Variants in BTBD7 observed in about 807,000 individuals in gnomAD.
The protein encoded by BTBD7 is BTB domain containing 7.
Under a neutral mutation model 99.9 loss-of-function variants are expected in BTBD7, and 38 were observed. The observed-to-expected ratio is 0.38, with a 90% CI of 0.29 to 0.50. BTBD7 has a LOEUF of 0.50. BTBD7 is among the 20% of genes least tolerant of loss of function. The probability of loss-of-function intolerance (pLI) is 0.93; values close to 1 mark genes in which losing one functional copy is unlikely to be tolerated. For missense variants in BTBD7, 1,170 were observed against 1,394.6 expected (o/e 0.84, Z 2.57); for synonymous variants, 520 against 511.4 (o/e 1.02, Z -0.23).
At position 93,325,965 on chromosome 14, in the gene BTBD7, ATTAT is replaced by A. The variant is rs538494990; in HGVS notation, c.-107+6851_-107+6854del. Among the ~76,000 whole-genome samples the A allele has an allele frequency of 3.2e-3, 487 of 152,300 alleles. 2 individuals are homozygous for A. The highest frequency in any genetic ancestry group is 0.014 in the Middle Eastern group (4 of 292). ...TATATTATGTTTCTAAAGTTACTAT[ATTAT>A]TTGAAATAGTAAGGGTATCTGAAAG... On this transcript the variant is annotated intron_variant, in intron 1 of 10. Transcript: ENST00000334746.
chr14:93,285,027 T>G (rs1364007555), intron 3 of BTBD7, among the ~76,000 whole-genome samples: 1 of 152,176 alleles, frequency 6.6e-6, no homozygotes, highest in Non-Finnish European at 1.5e-5. Context: ...GAAACCTGCA[T>G]TTACTACTCT....
chr14:93,318,344 GA>G (rs1460122643), intron 1 of BTBD7, among the ~76,000 whole-genome samples: 3 of 152,206 alleles, frequency 2.0e-5, no homozygotes, highest in Admixed American at 6.5e-5. Flanking sequence ...GAAGAGGCAT[GA>G]GGGGGGCTTT....
At chr14:93,327,930 T>C (rs762245820) in intron 1 of BTBD7, among the ~76,000 whole-genome samples, 9 of 152,206 alleles carry the variant, frequency 5.9e-5, no homozygotes, top group Admixed American at 1.3e-4. Flanking sequence ...AGTAAAGTTG[T>C]AGGATACAAA....
chr14:93,332,641 T>C (rs1328825767), intron 1 of BTBD7, among the ~76,000 whole-genome samples, 179 bp downstream of exon 1: 1 of 137,686 alleles, frequency 7.3e-6, no homozygotes, highest in African/African-American at 2.8e-5. Context: ...CCGCCGCGCC[T>C]CAGCCCCAGA....
At chr14:93,275,442 T>G (rs2052644231) in intron 3 of BTBD7, among the ~76,000 whole-genome samples, 1 of 152,252 alleles carries the variant, frequency 6.6e-6, no homozygotes, top group Non-Finnish European at 1.5e-5. Flanking sequence ...TTCTGTGTTT[T>G]GTTTCTTATA....
intron 3 of BTBD7, among the ~76,000 whole-genome samples, chr14:93,267,193 T>C (rs1267607616): frequency 6.6e-6 from 1 of 152,100 alleles, no homozygotes; most frequent in Admixed American, 6.6e-5. Context: ...AGAAAAAGAA[T>C]GAAAGATAAC....
intron 1 of BTBD7, among the ~76,000 whole-genome samples, chr14:93,300,704 T>TGTGTG (rs2052985751): frequency 5.7e-5 from 5 of 87,054 alleles, no homozygotes; most frequent in Admixed American, 3.0e-4. Context: ...CCCAGCTAAT[T>TGTGTG]TGTGTGTGTG....
At chr14:93,269,120 G>A (rs2052574270) in intron 3 of BTBD7, among the ~76,000 whole-genome samples, 1 of 152,102 alleles carries the variant, frequency 6.6e-6, no homozygotes, top group East Asian at 1.9e-4. Context: ...CTTCTCTCAC[G>A]AGCAGAAAGC....
At chr14:93,279,984 A>C (rs1164097145) in intron 3 of BTBD7, among the ~76,000 whole-genome samples, 1 of 152,224 alleles carries the variant, frequency 6.6e-6, no homozygotes, top group Non-Finnish European at 1.5e-5. Flanking sequence ...TATAGACCTA[A>C]TGTGATGATC....
At chr14:93,258,818 C>A (rs1363427173) in intron 5 of BTBD7, among the ~76,000 whole-genome samples, 1 of 152,222 alleles carries the variant, frequency 6.6e-6, no homozygotes, top group African/African-American at 2.4e-5. Context: ...CTCCTGACCT[C>A]AGGTGATCCA....
chr14:93,305,137 A>G (rs2139791920), intron 1 of BTBD7, among the ~76,000 whole-genome samples: 1 of 152,328 alleles, frequency 6.6e-6, no homozygotes, highest in South Asian at 2.1e-4. Context: ...TTTTCTTCAC[A>G]TTACGGAGAC....
chr14:93,311,276 T>C (rs1423519961), intron 1 of BTBD7, among the ~76,000 whole-genome samples: 2 of 152,178 alleles, frequency 1.3e-5, no homozygotes, highest in African/African-American at 4.8e-5. Flanking sequence ...AATCCTAACC[T>C]CTGCCTCCGA....
rs551336336 is a variant in BTBD7, at chr14:93,304,965, T to C, written c.-106-8808A>G. ...ACAGAACAAAACAGAAACTCAAAGGTTTCCTCATCCAGGGCAGTCTTCATG... is the reference window on the plus strand; with the variant it reads ...ACAGAACAAAACAGAAACTCAAAGGCTTCCTCATCCAGGGCAGTCTTCATG... On this transcript the variant is annotated intron_variant, in intron 1 of 10. Coordinates refer to ENST00000334746, the MANE Select transcript of BTBD7 (RefSeq NM_001002860.4). 1.5e-3 allele frequency among the ~76,000 whole-genome samples: 225 copies of C among 152,216 alleles called. 1 individual carries two copies. The highest frequency in any genetic ancestry group is 2.4e-3 in the Non-Finnish European group (161 of 67,996).
At position 93,248,545 on chromosome 14, in the gene BTBD7, G is replaced by A; in HGVS notation, c.2052C>T (p.Val684=). The change falls in exon 9 of 11, where the codon GTC becomes GTT. Residue 684 remains valine (V), a synonymous_variant. Coordinates refer to ENST00000334746, the MANE Select transcript of BTBD7 (RefSeq NM_001002860.4). ...GCACTCGAATCTGAATTTCATAGCT[G>A]ACAGTGGCGCCTTCCCCGCAGTTCA... ...YALNCGEGAT[V]SYEIQIRVLR... 6.2e-7 allele frequency: 1 copy of A among 1,614,150 alleles called. No individual in the cohort carries two copies. Among genetic ancestry groups the A allele is most frequent in the African/African-American group, 1.3e-5 (1 of 75,066 alleles).
At chr14:93,291,858 T>TA (rs1416487542) in intron 3 of BTBD7, among the ~76,000 whole-genome samples, 1 of 151,738 alleles carries the variant, frequency 6.6e-6, no homozygotes, top group Non-Finnish European at 1.5e-5. Flanking sequence ...CCAAAGATCT[T>TA]AGAGCTGGCT....
intron 3 of BTBD7, among the ~76,000 whole-genome samples, chr14:93,270,245 G>C (rs936626940): frequency 2.0e-5 from 3 of 152,072 alleles, no homozygotes; most frequent in African/African-American, 7.2e-5. Context: ...ACAGGCGCCT[G>C]CCACAACACC....
At chr14:93,285,526 T>C (rs955514216) in intron 3 of BTBD7, among the ~76,000 whole-genome samples, 1 of 152,168 alleles carries the variant, frequency 6.6e-6, no homozygotes, top group Non-Finnish European at 1.5e-5. Flanking sequence ...CATGTAGATG[T>C]TGGTGCTAAT....
In BTBD7 at chr14:93,248,617, T is replaced by C. The variant is rs750025070; in HGVS notation, c.1980A>G (p.Arg660=). The change falls in exon 9 of 11, where the codon CGA becomes CGG. Residue 660 remains arginine, a synonymous_variant. Coordinates refer to ENST00000334746, the MANE Select transcript of BTBD7 (RefSeq NM_001002860.4). ...RLLIMKDMVR[R]LQELRHTEQV... ...GCTCCGTGTGCCGCAGTTCCTGCAG[T>C]CGTCTGACCATGTCTTTCATAATGA... 6.2e-7 allele frequency: 1 copy of C among 1,613,234 alleles called. No homozygotes were observed. Among genetic ancestry groups the C allele is most frequent in the Non-Finnish European group, 8.5e-7 (1 of 1,179,878 alleles).
chr14:93,269,505 C>T lies in BTBD7; in HGVS notation c.1163-5512G>A, dbSNP rs368348881. 5.9e-5 allele frequency among the ~76,000 whole-genome samples: 9 copies of T among 152,144 alleles called. No individual in the cohort carries two copies. The East Asian group carries it at 1.3e-3, about 23-fold the overall frequency. ...TCCTAACACAAACCCATGACACATG[C>T]GTAGATCAGAATGCTTACTCATGGG... is the stretch of plus-strand genomic sequence containing the variant. On this transcript the variant is annotated intron_variant, in intron 3 of 10. Coordinates refer to ENST00000334746, the MANE Select transcript of BTBD7 (RefSeq NM_001002860.4).
Sources: allele counts gnomAD v4.1 joint callset (sites outside exome capture counted in the v4.1 genomes callset), GRCh38; gene constraint gnomAD v4.1.1; transcripts MANE v1.5; gene names NCBI Gene and HGNC (gene_info 2026-07-23, HGNC 2026-07-21).